PCDHGA8: variants seen among roughly 807,000 people sequenced by gnomAD.
PCDHGA8 encodes protocadherin gamma-A8.
Under a neutral mutation model 59.2 loss-of-function variants are expected in PCDHGA8, and 45 were observed. The observed-to-expected ratio is 0.76, with a 90% CI of 0.60 to 0.98. PCDHGA8 has a LOEUF of 0.98. Among genes scored for constraint, PCDHGA8 ranks in the 50% least tolerant of loss-of-function variants. The probability of loss-of-function intolerance (pLI) is 0.00; values close to 1 mark genes in which losing one functional copy is unlikely to be tolerated. For synonymous variants in PCDHGA8, 531 were observed against 519.0 expected (o/e 1.02, Z -0.32); for missense variants, 1,257 against 1,196.2 (o/e 1.05, Z -0.75).
intron 1 of PCDHGA8, chr5:141,410,428 C>A (rs376561050): frequency 5.0e-6 from 8 of 1,613,906 alleles, no homozygotes; most frequent in African/African-American, 1.3e-5. Flanking sequence ...TTCCCCCCAA[C>A]TACAGTGAGG....
chr5:141,414,290 T>G (rs781378958), intron 1 of PCDHGA8: 5 of 1,613,154 alleles, frequency 3.1e-6, no homozygotes, highest in Non-Finnish European at 4.2e-6. Context: ...GTCGTAGCCC[T>G]TTTAAATGTG....
intron 1 of PCDHGA8, among the ~76,000 whole-genome samples, chr5:141,439,190 C>CAAA (rs200519543): frequency 1.8e-5 from 2 of 111,760 alleles, no homozygotes; most frequent in African/African-American, 6.3e-5. Context: ...GAGACTCTGA[C>CAAA]AAAAAAAAAA....
In PCDHGA8 at chr5:141,399,103, C is replaced by G. The variant is rs376000100; in HGVS notation, c.2424+3866C>G. The G allele has an allele frequency of 1.6e-5, 26 of 1,613,722 alleles. No homozygotes were observed. The South Asian group carries it at 2.9e-4, about 18-fold the overall frequency. On this transcript the variant is annotated intron_variant, in intron 1 of 3. Transcript: ENST00000398604. ...GAGGGATGGTGGTGGACTGGTTGCA[C>G]AATGTACAGTTGAAATTAATATTCA... is the stretch of plus-strand genomic sequence containing the variant.
At chr5:141,468,739 G>A (rs1167211344) in intron 1 of PCDHGA8, among the ~76,000 whole-genome samples, 5 of 152,000 alleles carry the variant, frequency 3.3e-5, no homozygotes, top group African/African-American at 1.2e-4. Context: ...GGTGGCGGGT[G>A]CCTGTAGTCC....
chr5:141,436,813 G>A (rs537103294), intron 1 of PCDHGA8, among the ~76,000 whole-genome samples: 91 of 152,320 alleles, frequency 6.0e-4, no homozygotes, highest in Non-Finnish European at 1.1e-3. Flanking sequence ...TGTGACAGCT[G>A]GTTTAAAAAT....
chr5:141,431,502 G>A lies in PCDHGA8; in HGVS notation c.2424+36265G>A, dbSNP rs749812839. ...CCAGCGTTTGCTCAGCCCGAGTACC[G>A]CGCGAGCGTTCCGGAGAATCTGGCC... On this transcript the variant is annotated intron_variant, in intron 1 of 3. Coordinates refer to ENST00000398604, the MANE Select transcript of PCDHGA8 (RefSeq NM_032088.2). This position sits in a 1 kb window ranked among gnomAD's most constrained non-coding sequence, Gnocchi z 4.8. 6 of 1,614,008 alleles carry A rather than the reference G, an allele frequency of 3.7e-6. No homozygotes were observed. In the East Asian group the frequency reaches 6.7e-5, roughly 18 times the overall value.
intron 2 of PCDHGA8, among the ~76,000 whole-genome samples, chr5:141,495,811 G>A (rs1164360438): frequency 1.3e-5 from 2 of 151,710 alleles, no homozygotes; most frequent in Admixed American, 1.3e-4. Flanking sequence ...GTTTCCTAGC[G>A]CCTTGTGTTC....
At chr5:141,482,356 G>T (rs1330274684) in intron 1 of PCDHGA8, among the ~76,000 whole-genome samples, 1 of 152,236 alleles carries the variant, frequency 6.6e-6, no homozygotes, top group East Asian at 1.9e-4. Flanking sequence ...TGTTGTGAGA[G>T]TGAAAAGTAA....
At chr5:141,470,858 TTTTG>T (rs775688955) in intron 1 of PCDHGA8, among the ~76,000 whole-genome samples, 79 of 151,956 alleles carry the variant, frequency 5.2e-4, no homozygotes, top group Non-Finnish European at 3.5e-4. Context: ...CAGATAAGTT[TTTTG>T]TTTGTTTGTT....
chr5:141,409,803 C>T (rs779815582), intron 1 of PCDHGA8: 3 of 1,611,528 alleles, frequency 1.9e-6, no homozygotes, highest in African/African-American at 1.3e-5. Flanking sequence ...ACGCTGCAGG[C>T]CCGCGACCAC....
At chr5:141,502,398 C>T (rs1303456458) in intron 2 of PCDHGA8, among the ~76,000 whole-genome samples, 1 of 151,688 alleles carries the variant, frequency 6.6e-6, no homozygotes, top group Non-Finnish European at 1.5e-5. Flanking sequence ...TTAAAATGTC[C>T]CCGAACCTGG....
In PCDHGA8 at chr5:141,414,978, C is replaced by T. The variant is rs757917979; in HGVS notation, c.2424+19741C>T. On this transcript the variant is annotated intron_variant, in intron 1 of 3. Coordinates refer to ENST00000398604, the MANE Select transcript of PCDHGA8 (RefSeq NM_032088.2). The stretch of plus-strand genomic sequence containing the variant: ...CCAAGGTGGTGGCGGTGGACAGAGA[C>T]TCCGGCCAGAACGCCTGGCTGTCCT... 8 of 1,613,878 alleles carry T rather than the reference C, an allele frequency of 5.0e-6. No individual in the cohort carries two copies. The South Asian group carries it at 8.8e-5, about 18-fold the overall frequency.
Position 141,493,760 on chromosome 5 carries a change from G to C in PCDHGA8, c.2425-1047G>C, listed in dbSNP as rs1268832909. On this transcript the variant is annotated intron_variant, in intron 1 of 3. Coordinates refer to ENST00000398604, the MANE Select transcript of PCDHGA8 (RefSeq NM_032088.2). The surrounding 1 kb of genome is among the most constrained non-coding windows in gnomAD (Gnocchi z 4.3). ...ACTGCCACCTGTGAGCCTTGAGTGA[G>C]CCACTGGCAGTTCCGGAGCTTCCTT... Among the ~76,000 whole-genome samples, 1 of 152,166 alleles carries C rather than the reference G, an allele frequency of 6.6e-6. No individual in the cohort carries two copies. The highest frequency in any genetic ancestry group is 1.5e-5 in the Non-Finnish European group (1 of 68,022).
chr5:141,410,826 G>T, intron 1 of PCDHGA8: 4 of 379,152 alleles, frequency 1.1e-5, no homozygotes, highest in Non-Finnish European at 9.0e-6. Flanking sequence ...AATGTCACCA[G>T]ACTGAAGATA....
intron 1 of PCDHGA8, among the ~76,000 whole-genome samples, chr5:141,481,555 C>T (rs1013876865): frequency 3.3e-5 from 5 of 152,164 alleles, no homozygotes; most frequent in South Asian, 2.1e-4. Flanking sequence ...CAGTGGCTCA[C>T]GCCTGTAATC....
At chr5:141,481,531 G>A (rs1342825952) in intron 1 of PCDHGA8, among the ~76,000 whole-genome samples, 2 of 152,206 alleles carry the variant, frequency 1.3e-5, no homozygotes, top group African/African-American at 4.8e-5. Context: ...AAAATCTAGA[G>A]ATGGGGCTGG....
intron 1 of PCDHGA8, chr5:141,426,599 A>G (rs1171205143): frequency 2.7e-6 from 1 of 377,348 alleles, no homozygotes; most frequent in Non-Finnish European, 5.4e-6. Flanking sequence ...TCATACCCTT[A>G]GAGATTGTAG....
Position 141,394,244 on chromosome 5 carries a change from C to G in PCDHGA8, c.1431C>G (p.His477Gln), listed in dbSNP as rs371631729. ...RGASIFSLTAHDPDSQENAQV... is the reference protein window; with the variant it reads ...RGASIFSLTAQDPDSQENAQV... Reference sequence around the variant, plus strand: ...CCTCCATCTTTTCCTTGACTGCACACGACCCCGACAGCCAGGAGAATGCCC... The same window carrying G: ...CCTCCATCTTTTCCTTGACTGCACAGGACCCCGACAGCCAGGAGAATGCCC... The change falls in exon 1 of 4, where the codon CAC becomes CAG. Residue 477 changes from histidine (H) to glutamine (Q), a missense_variant. Physicochemically the swap from His to Gln is conservative, Grantham distance 24 (BLOSUM62 0). Coordinates refer to ENST00000398604, the MANE Select transcript of PCDHGA8 (RefSeq NM_032088.2). The G allele has an allele frequency of 1.2e-5, 19 of 1,613,820 alleles. No homozygotes were observed. Among genetic ancestry groups the G allele is most frequent in the Middle Eastern group, 1.6e-4 (1 of 6,084 alleles).
chr5:141,451,007 T>A (rs2098704118), intron 1 of PCDHGA8, among the ~76,000 whole-genome samples: 1 of 151,594 alleles, frequency 6.6e-6, no homozygotes, highest in Non-Finnish European at 1.5e-5. Flanking sequence ...TTGTATTTTT[T>A]TTAGTAGAGA....
Sources: gnomAD v4.1 joint callset for allele counts (sites outside exome capture counted in the v4.1 genomes callset) on GRCh38, gnomAD v4.1.1 for gene constraint, Gnocchi (gnomAD v3.1) non-coding constraint, MANE v1.5 for transcripts, NCBI Gene and HGNC (gene_info 2026-07-23, HGNC 2026-07-21) for gene names.